The following PREP variants were observed in gnomAD, a reference collection of about 807,000 sequenced individuals.
PREP encodes the protein dJ355L5.1 (prolyl endopeptidase).
In PREP, 29 loss-of-function variants were observed where a neutral mutation model predicts 87.6. That is an observed-to-expected ratio of 0.33 (90% confidence interval 0.25 to 0.45). PREP has a LOEUF of 0.45. Ranked by LOEUF, PREP falls within the 20% of genes least tolerant of loss-of-function variation. The pLI is 1.00. For synonymous variants in PREP, 337 were observed against 328.6 expected (o/e 1.03, Z -0.28); for missense variants, 695 against 886.5 (o/e 0.78, Z 2.74).
intron 6 of PREP, among the ~76,000 whole-genome samples, chr6:105,366,593 A>G (rs189327413): frequency 1.3e-5 from 2 of 152,356 alleles, no homozygotes; most frequent in East Asian, 1.9e-4. Flanking sequence ...GTGACTATAC[A>G]TATGTTTAAT....
At chr6:105,395,264 A>G (rs1773259285) in intron 2 of PREP, among the ~76,000 whole-genome samples, 1 of 152,244 alleles carries the variant, frequency 6.6e-6, no homozygotes, top group Non-Finnish European at 1.5e-5. Flanking sequence ...AAGCACAGAC[A>G]TGAATACATT....
At position 105,373,319 on chromosome 6, in the gene PREP, G is replaced by C. The variant is rs1772605293; in HGVS notation, c.595+50C>G. ...CAGCATCTCTTTTCAGTCACTTGAA[G>C]TCACACTTCATTTTGTGAAAAATGT... On this transcript the variant is annotated intron_variant, in intron 5 of 14. Coordinates refer to ENST00000652536, the MANE Select transcript of PREP (RefSeq NM_002726.5). The C allele has an allele frequency of 8.3e-6, 13 of 1,568,128 alleles. No individual in the cohort carries two copies. In the East Asian group the frequency reaches 2.9e-4, roughly 35 times the overall value.
chr6:105,395,569 T>G (rs1773268104), intron 2 of PREP, among the ~76,000 whole-genome samples: 1 of 141,310 alleles, frequency 7.1e-6, no homozygotes, highest in African/African-American at 3.0e-5. Context: ...ACCACAAAAA[T>G]AGTGTATACT....
chr6:105,373,840 G>C (rs1772620420), intron 4 of PREP, among the ~76,000 whole-genome samples: 2 of 152,146 alleles, frequency 1.3e-5, no homozygotes, highest in Admixed American at 1.3e-4. Context: ...CTACTAAAAT[G>C]CTTTCATTTT....
At chr6:105,339,950 C>A (rs1401218148) in intron 7 of PREP, among the ~76,000 whole-genome samples, 1 of 152,118 alleles carries the variant, frequency 6.6e-6, no homozygotes, top group East Asian at 1.9e-4. Flanking sequence ...AGAATGGAAC[C>A]AAGTTGGAAA....
intron 6 of PREP, among the ~76,000 whole-genome samples, chr6:105,360,207 A>T (rs1455869699): frequency 6.6e-6 from 1 of 152,192 alleles, no homozygotes; most frequent in Non-Finnish European, 1.5e-5. Flanking sequence ...CACACTTAAG[A>T]ATGTGGCTTT....
Position 105,273,745 on chromosome 6 carries a change from G to GCTGC in PREP, c.*4395_*4398dup, listed in dbSNP as rs1434649394. 1 of 152,282 alleles carries GCTGC rather than the reference G, an allele frequency of 6.6e-6. No homozygotes were observed. Among genetic ancestry groups the GCTGC allele is most frequent in the South Asian group, 2.1e-4 (1 of 4,816 alleles). The allele number at this position is 152,282 out of a possible 1,614,324, so 9.4% of individuals were successfully genotyped here. A position where few individuals can be genotyped will look rare whatever the true frequency, so the allele number is the denominator to read the frequency against. On this transcript the variant is annotated 3_prime_UTR_variant, in exon 15 of 15. Coordinates refer to ENST00000652536, the MANE Select transcript of PREP (RefSeq NM_002726.5). ...TCTCTCAGTGGCTTCACCTGACTGA[G>GCTGC]CTGCCTGCCATCTCTAGTGTATCCT... is the stretch of plus-strand genomic sequence containing the variant.
chr6:105,398,283 T>G (rs1345627981), intron 1 of PREP, among the ~76,000 whole-genome samples: 1 of 152,162 alleles, frequency 6.6e-6, no homozygotes, highest in Non-Finnish European at 1.5e-5. Flanking sequence ...GACAATACAG[T>G]GGGCACACAA....
intron 1 of PREP, among the ~76,000 whole-genome samples, chr6:105,401,167 C>T (rs906490666): frequency 6.6e-6 from 1 of 152,214 alleles, no homozygotes; most frequent in East Asian, 1.9e-4. Context: ...AAAATCCTCA[C>T]TTAAACCTTT....
Position 105,369,285 on chromosome 6 carries a change from A to ATT in PREP, c.596-262_596-261insAA, listed in dbSNP as rs1772475701. 7.9e-5 allele frequency among the ~76,000 whole-genome samples: 12 copies of ATT among 152,248 alleles called. 1 individual carries two copies. ...TATGTGTAAGATCTATCTAAGGAAA[A>ATT]CTGCAAAATTCTGATGAAAGAAGTA... is the stretch of plus-strand genomic sequence containing the variant. On this transcript the variant is annotated intron_variant, in intron 5 of 14. Coordinates refer to ENST00000652536, the MANE Select transcript of PREP (RefSeq NM_002726.5).
At chr6:105,303,324 C>T (rs116626332) in intron 10 of PREP, among the ~76,000 whole-genome samples, 200 of 151,852 alleles carry the variant, frequency 1.3e-3, no homozygotes, top group African/African-American at 4.6e-3. Flanking sequence ...CTGGGCCTCC[C>T]GAAGTGCTGG....
At position 105,277,101 on chromosome 6, in the gene PREP, T is replaced by C. The variant is rs1769953877; in HGVS notation, c.*1043A>G. Among the ~76,000 whole-genome samples, 2 of 152,030 alleles carry C rather than the reference T, an allele frequency of 1.3e-5. No individual in the cohort carries two copies. Among genetic ancestry groups the C allele is most frequent in the Admixed American group, 6.5e-5 (1 of 15,268 alleles). ...AAAATATATGCCTTGAAAAAAATTT[T>C]ATGGATGAAAGTTTAAGGAATAGTA... On this transcript the variant is annotated 3_prime_UTR_variant, in exon 15 of 15. Transcript: ENST00000652536.
intron 11 of PREP, among the ~76,000 whole-genome samples, chr6:105,288,156 A>C (rs1770225251): frequency 6.6e-6 from 1 of 152,216 alleles, no homozygotes; most frequent in Admixed American, 6.5e-5. Flanking sequence ...GCTTCCTTTA[A>C]GACCTTGATT....
intron 10 of PREP, among the ~76,000 whole-genome samples, chr6:105,297,892 C>T (rs1770443182): frequency 6.6e-6 from 1 of 152,188 alleles, no homozygotes; most frequent in Admixed American, 6.5e-5. Flanking sequence ...ATAAGATTGT[C>T]TTTGGAAGCA....
chr6:105,300,392 T>C (rs1583042648), intron 10 of PREP, among the ~76,000 whole-genome samples: 1 of 152,214 alleles, frequency 6.6e-6, no homozygotes, highest in African/African-American at 2.4e-5. Flanking sequence ...TATCTTGCCA[T>C]GGCCATTCTA....
rs200495985 is a variant in PREP, at chr6:105,333,451, A to G, written c.878T>C (p.Val293Ala). Residue 293 changes from valine (V) to alanine (A), a missense_variant, in exon 8 of 15, where the codon GTG (valine) becomes GCG (alanine). This residue lies in a region of PREP where 517 missense variants were observed against 620.3 expected (regional missense o/e 0.83). Coordinates refer to ENST00000652536, the MANE Select transcript of PREP (RefSeq NM_002726.5). Reference protein sequence around the residue: ...IDNFEGEYDYVTNEGTVFTFK... With the variant: ...IDNFEGEYDYATNEGTVFTFK... ...TGTGAACACCGTCCCCTCATTGGTC[A>G]CGTAGTCATATTCCCCTTCAAAGTT... is the stretch of plus-strand genomic sequence containing the variant. 16 of 1,614,066 alleles carry G rather than the reference A, an allele frequency of 9.9e-6. No individual in the cohort carries two copies. Among genetic ancestry groups the G allele is most frequent in the Non-Finnish European group, 1.3e-5 (15 of 1,180,036 alleles).
chr6:105,398,468 A>G (rs2114738894), intron 1 of PREP, among the ~76,000 whole-genome samples: 1 of 152,370 alleles, frequency 6.6e-6, no homozygotes, highest in African/African-American at 2.4e-5. Flanking sequence ...CATAAGTTCA[A>G]AAAGCTGACT....
intron 7 of PREP, among the ~76,000 whole-genome samples, chr6:105,347,963 G>A (rs1040565149): frequency 6.6e-6 from 1 of 152,058 alleles, no homozygotes; most frequent in Non-Finnish European, 1.5e-5. Context: ...GAAAATATAA[G>A]AAAATCCAGA....
chr6:105,281,474 CAG>C, intron 14 of PREP: 1 of 298,478 alleles, frequency 3.4e-6, no homozygotes, highest in South Asian at 6.1e-5. Context: ...TGACAGCAAG[CAG>C]TATCTAGGTA....
Sources: allele counts gnomAD v4.1 joint callset (sites outside exome capture counted in the v4.1 genomes callset), GRCh38; gene constraint gnomAD v4.1.1; regional missense constraint gnomAD v4.1.1; transcripts MANE v1.5; gene names NCBI Gene and HGNC (gene_info 2026-07-23, HGNC 2026-07-21).